CSMD1: variants seen among roughly 807,000 people sequenced by gnomAD.
CSMD1 encodes the protein CUB and Sushi multiple domains 1.
In CSMD1, 213 loss-of-function variants were observed where a neutral mutation model predicts 417.5. The ratio of observed to expected loss-of-function variants is 0.51; its 90% confidence interval spans 0.46 to 0.57. CSMD1 has a LOEUF of 0.57. Among genes scored for constraint, CSMD1 ranks in the 20% least tolerant of loss-of-function variants. CSMD1 has a pLI of 0.00. For synonymous variants in CSMD1, 2,862 were observed against 1,736.8 expected (o/e 1.65, Z -16.11); for missense variants, 6,923 against 4,529.7 (o/e 1.53, Z -15.17).
chr8:4,595,913 G>T (rs996883739), intron 2 of CSMD1, among the ~76,000 whole-genome samples: 3 of 151,906 alleles, frequency 2.0e-5, no homozygotes. Context: ...CCACTCTTAA[G>T]GCCTGACTGT....
In CSMD1 at chr8:4,899,208, C is replaced by T. The variant is rs575663269; in HGVS notation, c.85+95124G>A. Among the ~76,000 whole-genome samples the T allele has an allele frequency of 2.6e-5, 4 of 152,280 alleles. No homozygotes were observed. In the South Asian group the frequency reaches 8.3e-4, roughly 32 times the overall value. On this transcript the variant is annotated intron_variant, in intron 1 of 69. Transcript: ENST00000635120. Reference sequence around the variant, plus strand: ...TGGGTATATGTCCTATCGGAAGAAACATCATTTGAAGCAAATACTTCAGAG... The same window carrying T: ...TGGGTATATGTCCTATCGGAAGAAATATCATTTGAAGCAAATACTTCAGAG...
At chr8:4,503,447 C>T (rs752218999) in intron 2 of CSMD1, among the ~76,000 whole-genome samples, 2 of 152,018 alleles carry the variant, frequency 1.3e-5, no homozygotes, top group African/African-American at 4.8e-5. Context: ...CAATATGTTT[C>T]CAAATAAATT....
At chr8:4,272,599 C>T (rs542294599) in intron 3 of CSMD1, among the ~76,000 whole-genome samples, 5 of 152,232 alleles carry the variant, frequency 3.3e-5, no homozygotes, top group African/African-American at 1.2e-4. Flanking sequence ...GAAGGCAGGG[C>T]TTTTATGTGC....
chr8:4,354,878 G>GTGTGTGTGTGTC (rs1801314438), intron 3 of CSMD1, among the ~76,000 whole-genome samples: 1 of 142,950 alleles, frequency 7.0e-6, no homozygotes. Flanking sequence ...GTGTGTGTGT[G>GTGTGTGTGTGTC]TGTGTGTGTG....
intron 3 of CSMD1, among the ~76,000 whole-genome samples, chr8:4,327,884 T>C (rs981834764): frequency 5.3e-5 from 8 of 152,220 alleles, no homozygotes; most frequent in African/African-American, 1.9e-4. Context: ...CTTTAAAATC[T>C]TTCCTTTTGC....
intron 2 of CSMD1, among the ~76,000 whole-genome samples, chr8:4,461,130 T>C (rs1480430004): frequency 6.8e-6 from 1 of 146,546 alleles, no homozygotes; most frequent in Non-Finnish European, 1.5e-5. Context: ...CACTGTGCCA[T>C]AACAATAAAA....
At chr8:3,119,157 G>A (rs1435755852) in intron 41 of CSMD1, among the ~76,000 whole-genome samples, 2 of 151,760 alleles carry the variant, frequency 1.3e-5, no homozygotes, top group Non-Finnish European at 2.9e-5. Flanking sequence ...TCCAGCCCGG[G>A]CGACAGAGCA....
chr8:2,997,433 T>C lies in CSMD1; in HGVS notation c.8377+578A>G, dbSNP rs1807011019. Among the ~76,000 whole-genome samples the C allele has an allele frequency of 3.3e-5, 5 of 152,202 alleles. No homozygotes were observed. In the South Asian group the frequency reaches 1.0e-3, roughly 31 times the overall value. On this transcript the variant is annotated intron_variant, in intron 54 of 69. Coordinates refer to ENST00000635120, the MANE Select transcript of CSMD1 (RefSeq NM_033225.6). ...GTTCCTGGCTTCAATTTCATCTTAA[T>C]ACCATAAAAAATACTTGCCCTTCAC...
At chr8:3,277,806 C>G (rs542641372) in intron 26 of CSMD1, among the ~76,000 whole-genome samples, 1 of 152,128 alleles carries the variant, frequency 6.6e-6, no homozygotes, top group Non-Finnish European at 1.5e-5. Context: ...CATTTATTAA[C>G]TAGTAATGGG....
At chr8:4,309,793 C>A (rs1476149856) in intron 3 of CSMD1, among the ~76,000 whole-genome samples, 1 of 152,112 alleles carries the variant, frequency 6.6e-6, no homozygotes, top group African/African-American at 2.4e-5. Flanking sequence ...AGAAACCTCA[C>A]CTCCATATAG....
intron 6 of CSMD1, among the ~76,000 whole-genome samples, chr8:3,718,685 G>A (rs1018459288): frequency 6.6e-6 from 1 of 152,176 alleles, no homozygotes; most frequent in Non-Finnish European, 1.5e-5. Flanking sequence ...CTTGATGACT[G>A]AACTCTTTAC....
intron 10 of CSMD1, among the ~76,000 whole-genome samples, chr8:3,524,087 G>T (rs560576635): frequency 1.8e-5 from 2 of 109,214 alleles, no homozygotes; most frequent in African/African-American, 7.2e-5. Flanking sequence ...ATGCACACAC[G>T]CATGCACACC....
intron 3 of CSMD1, among the ~76,000 whole-genome samples, chr8:4,196,112 G>C (rs762667366): frequency 6.6e-6 from 1 of 152,176 alleles, no homozygotes; most frequent in East Asian, 1.9e-4. Context: ...TGGGGAGACT[G>C]AGGCAGGAGA....
chr8:3,439,281 G>GTGTGTATATATATATATATATATATA (rs1407744154), intron 12 of CSMD1, among the ~76,000 whole-genome samples: 29 of 54,324 alleles, frequency 5.3e-4, no homozygotes, highest in African/African-American at 6.7e-4. Flanking sequence ...GGCAATGTCA[G>GTGTGTATATATATATATATATATATA]TATATATATA....
intron 5 of CSMD1, among the ~76,000 whole-genome samples, chr8:3,908,818 C>A (rs1808274895): frequency 6.6e-6 from 1 of 152,172 alleles, no homozygotes; most frequent in Non-Finnish European, 1.5e-5. Context: ...GAAACAGGAT[C>A]TCTATGTGAG....
At chr8:3,402,316 G>C (rs767234436) in intron 15 of CSMD1, among the ~76,000 whole-genome samples, 12 of 151,974 alleles carry the variant, frequency 7.9e-5, no homozygotes, top group African/African-American at 2.7e-4. Flanking sequence ...TTTTATGTGA[G>C]TCATTTTTGG....
intron 2 of CSMD1, among the ~76,000 whole-genome samples, chr8:4,597,239 G>C (rs1563321031): frequency 6.6e-6 from 1 of 152,044 alleles, no homozygotes; most frequent in Non-Finnish European, 1.5e-5. Flanking sequence ...AACAATAGTG[G>C]TGATATATTA....
intron 5 of CSMD1, among the ~76,000 whole-genome samples, chr8:3,861,927 C>G (rs1441168989): frequency 6.6e-6 from 1 of 152,076 alleles, no homozygotes; most frequent in Non-Finnish European, 1.5e-5. Context: ...TTTCCTTGCT[C>G]CTGGAAAGTC....
intron 3 of CSMD1, among the ~76,000 whole-genome samples, chr8:4,040,790 G>C (rs1248983632): frequency 1.3e-5 from 2 of 152,140 alleles, no homozygotes; most frequent in African/African-American, 2.4e-5. Context: ...CTAGAGACTA[G>C]ATTTTCAAAA....
Sources: allele counts gnomAD v4.1 joint callset (sites outside exome capture counted in the v4.1 genomes callset), GRCh38; gene constraint gnomAD v4.1.1; transcripts MANE v1.5; gene names NCBI Gene and HGNC (gene_info 2026-07-23, HGNC 2026-07-21).